XXYLT1: variants seen among roughly 807,000 people sequenced by gnomAD.
XXYLT1 encodes UDP-xylose:alpha-xyloside alpha-1,3-xylosyltransferase.
XXYLT1 carries 20 observed loss-of-function variants against 28.9 expected under a neutral mutation model. The observed-to-expected ratio is 0.69, with a 90% confidence interval of 0.49 to 1.00. The LOEUF is 1.00. Among genes scored for constraint, XXYLT1 ranks in the 50% least tolerant of loss-of-function variants. The pLI, the probability that XXYLT1 is intolerant of heterozygous loss-of-function variation, is 0.00. For synonymous variants in XXYLT1, 257 were observed against 253.8 expected, an observed-to-expected ratio of 1.01 and a Z score of -0.12; for missense variants, 542 against 560.1, an observed-to-expected ratio of 0.97 and a Z score of 0.33.
chr3:195,083,290 T>C (rs1182969600), intron 3 of XXYLT1, among the ~76,000 whole-genome samples: 1 of 152,216 alleles, frequency 6.6e-6, no homozygotes, highest in Non-Finnish European at 1.5e-5. Flanking sequence ...TCTACCTGTG[T>C]GTAAACTGTG....
intron 3 of XXYLT1, among the ~76,000 whole-genome samples, chr3:195,106,293 G>A (rs1465873578): frequency 6.7e-6 from 1 of 149,418 alleles, no homozygotes; most frequent in Non-Finnish European, 1.5e-5. Flanking sequence ...GTTTTTGACG[G>A]AGAGATGCTC....
At chr3:195,127,074 G>T (rs987470411) in intron 3 of XXYLT1, among the ~76,000 whole-genome samples, 2 of 152,170 alleles carry the variant, frequency 1.3e-5, no homozygotes, top group Admixed American at 1.3e-4. Flanking sequence ...GTCTTCAGGG[G>T]TAGAGGTGGG....
chr3:195,151,200 G>A (rs1720222269), intron 3 of XXYLT1, among the ~76,000 whole-genome samples: 1 of 152,174 alleles, frequency 6.6e-6, no homozygotes, highest in Admixed American at 6.5e-5. Context: ...TACAATCGTG[G>A]GTAGAGGTGG....
chr3:195,097,858 G>GA (rs1716537819), intron 3 of XXYLT1, among the ~76,000 whole-genome samples: 1 of 152,130 alleles, frequency 6.6e-6, no homozygotes, highest in Non-Finnish European at 1.5e-5. Flanking sequence ...GGCTGGGCAG[G>GA]AAAGACGCTT....
intron 1 of XXYLT1, among the ~76,000 whole-genome samples, chr3:195,248,516 A>AT: frequency 6.6e-6 from 1 of 151,920 alleles, no homozygotes; most frequent in Non-Finnish European, 1.5e-5. Context: ...AGTTTCTCTT[A>AT]TTTTTTTGCC....
At position 195,176,968 on chromosome 3, in the gene XXYLT1, G is replaced by A. The variant is rs183736655; in HGVS notation, c.653-20387C>T. On this transcript the variant is annotated intron_variant, in intron 2 of 3. Coordinates refer to ENST00000310380, the MANE Select transcript of XXYLT1 (RefSeq NM_152531.5). This position sits in a 1 kb window ranked among gnomAD's most constrained non-coding sequence, Gnocchi z 4.9. ...CTGCTGCCGCTGCTGACGTCCCCCCGCCACAGCAGGTCGGGGACCACATGC... is the reference window on the plus strand; with the variant it reads ...CTGCTGCCGCTGCTGACGTCCCCCCACCACAGCAGGTCGGGGACCACATGC... Among the ~76,000 whole-genome samples the A allele has an allele frequency of 0.012, 1,748 of 151,176 alleles. 21 individuals are homozygous for A. Among genetic ancestry groups the A allele is most frequent in the Non-Finnish European group, 0.018 (1,238 of 68,020 alleles).
chr3:195,232,216 T>C (rs1206009497), intron 1 of XXYLT1, among the ~76,000 whole-genome samples: 1 of 152,210 alleles, frequency 6.6e-6, no homozygotes, highest in Non-Finnish European at 1.5e-5. Flanking sequence ...ATTTATGCAG[T>C]ATGAGTTGTA....
intron 2 of XXYLT1, among the ~76,000 whole-genome samples, chr3:195,190,510 A>C (rs1722375340): frequency 6.6e-6 from 1 of 151,442 alleles, no homozygotes; most frequent in Non-Finnish European, 1.5e-5. Context: ...AAAAAAAAAA[A>C]AAAAAAAAAC....
chr3:195,157,842 T>C (rs1365896268), intron 2 of XXYLT1, among the ~76,000 whole-genome samples: 1 of 152,212 alleles, frequency 6.6e-6, no homozygotes, highest in Non-Finnish European at 1.5e-5. Context: ...CTTCCAGTTC[T>C]GCTGCTGATT....
At chr3:195,154,742 A>G (rs971222457) in intron 3 of XXYLT1, among the ~76,000 whole-genome samples, 7 of 152,158 alleles carry the variant, frequency 4.6e-5, no homozygotes, top group Non-Finnish European at 7.3e-5. Flanking sequence ...CCCTCTCCCA[A>G]GTGTACTTTA....
At chr3:195,262,623 A>C (rs942471217) in intron 1 of XXYLT1, among the ~76,000 whole-genome samples, 3 of 152,198 alleles carry the variant, frequency 2.0e-5, no homozygotes, top group African/African-American at 4.8e-5. Context: ...TGAGGCCCCC[A>C]CAGATTTTAT....
chr3:195,167,875 A>C (rs1015263816), intron 2 of XXYLT1, among the ~76,000 whole-genome samples: 8 of 152,226 alleles, frequency 5.3e-5, no homozygotes, highest in Admixed American at 2.0e-4. Flanking sequence ...CTTTGGGCCC[A>C]TCATCCAAGT....
chr3:195,253,023 C>T (rs1370712460), intron 1 of XXYLT1, among the ~76,000 whole-genome samples: 1 of 152,114 alleles, frequency 6.6e-6, no homozygotes, highest in Non-Finnish European at 1.5e-5. Flanking sequence ...AAAATGAAGA[C>T]GGTTTGTTGA....
In XXYLT1 at chr3:195,270,957, G is replaced by C; in HGVS notation, c.102C>G (p.Ala34=). ...AGCCGAGGTAGTAGAAGGCGCAGAC[G>C]GCCAGCGCCGCGGCCAGCAGCAGGG... The part of the protein sequence containing the change: ...YCALLLAAAL[A]VCAFYYLGSG... Residue 34 remains alanine (A), a synonymous_variant, in exon 1 of 4, where the codon GCC becomes GCG. Transcript: ENST00000310380. 6.7e-7 allele frequency: 1 copy of C among 1,488,550 alleles called. No individual in the cohort carries two copies. Among genetic ancestry groups the C allele is most frequent in the Non-Finnish European group, 8.9e-7 (1 of 1,122,032 alleles). The allele number at this position is 1,488,550 out of a possible 1,614,324, so 92.2% of individuals were successfully genotyped here. A position where few individuals can be genotyped will look rare whatever the true frequency, so the allele number is the denominator to read the frequency against.
At chr3:195,169,864 TATATA>T (rs1286343814) in intron 2 of XXYLT1, among the ~76,000 whole-genome samples, 48 of 133,302 alleles carry the variant, frequency 3.6e-4, no homozygotes, top group African/African-American at 1.5e-3. Flanking sequence ...TATATATATA[TATATA>T]TTTTTTTTTT....
At chr3:195,114,436 A>C (rs1375166235) in intron 3 of XXYLT1, among the ~76,000 whole-genome samples, 3 of 152,192 alleles carry the variant, frequency 2.0e-5, no homozygotes, top group African/African-American at 7.2e-5. Context: ...TAAATAAGCC[A>C]TTTTGAGCAC....
At chr3:195,242,950 T>G (rs932401160) in intron 1 of XXYLT1, among the ~76,000 whole-genome samples, 3 of 152,192 alleles carry the variant, frequency 2.0e-5, no homozygotes, top group Admixed American at 1.3e-4. Context: ...AAAGAGATGG[T>G]TCGGCAACCC....
At chr3:195,189,278 C>G (rs1173576899) in intron 2 of XXYLT1, among the ~76,000 whole-genome samples, 1 of 152,062 alleles carries the variant, frequency 6.6e-6, no homozygotes, top group Non-Finnish European at 1.5e-5. Flanking sequence ...CTAAGCAAAG[C>G]CATCAATGAC....
chr3:195,231,966 T>C (rs907039368), intron 1 of XXYLT1, among the ~76,000 whole-genome samples: 1 of 152,154 alleles, frequency 6.6e-6, no homozygotes, highest in African/African-American at 2.4e-5. Flanking sequence ...GTAGGGTTGG[T>C]ATTACTTCTT....
Sources: gnomAD v4.1 joint callset for allele counts (sites outside exome capture counted in the v4.1 genomes callset) on GRCh38, gnomAD v4.1.1 for gene constraint, Gnocchi (gnomAD v3.1) non-coding constraint, MANE v1.5 for transcripts, NCBI Gene and HGNC (gene_info 2026-07-23, HGNC 2026-07-21) for gene names.